The following CFAP299 variants were observed in gnomAD, a reference collection of about 807,000 sequenced individuals.
CFAP299 encodes the protein cilia and flagella associated protein 299, also known as cilia- and flagella-associated protein 299.
Under a neutral mutation model 27.0 loss-of-function variants are expected in CFAP299, and 21 were observed. That is an observed-to-expected ratio of 0.78 (90% CI 0.55 to 1.12). CFAP299 has a LOEUF of 1.12. Ranked by LOEUF, CFAP299 falls within the 50% of genes most tolerant of loss-of-function variation. The probability of loss-of-function intolerance (pLI) is 0.00; values close to 1 mark genes in which losing one functional copy is unlikely to be tolerated. For synonymous variants in CFAP299, 104 were observed against 98.1 expected (o/e 1.06, Z -0.36); for missense variants, 310 against 276.6 (o/e 1.12, Z -0.86).
At chr4:80,649,836 T>A (rs994552122) in intron 3 of CFAP299, among the ~76,000 whole-genome samples, 1 of 152,160 alleles carries the variant, frequency 6.6e-6, no homozygotes, top group Admixed American at 6.6e-5. Flanking sequence ...CAAATTGTTG[T>A]CATGTTTCAG....
At chr4:80,608,399 G>C (rs1309710017) in intron 3 of CFAP299, 2 of 1,503,424 alleles carry the variant, frequency 1.3e-6, no homozygotes, top group South Asian at 2.4e-5. Flanking sequence ...TACTGCTTAT[G>C]GAAAAGTTTC....
At chr4:80,660,096 A>G (rs1287640855) in intron 3 of CFAP299, among the ~76,000 whole-genome samples, 3 of 152,104 alleles carry the variant, frequency 2.0e-5, no homozygotes, top group African/African-American at 2.4e-5. Context: ...AAAATTTCTT[A>G]CTCAGAAAAA....
At chr4:80,506,778 T>C (rs1373782866) in intron 2 of CFAP299, among the ~76,000 whole-genome samples, 1 of 152,118 alleles carries the variant, frequency 6.6e-6, no homozygotes, top group African/African-American at 2.4e-5. Context: ...AAAAGCAAAT[T>C]GATGGCAATG....
chr4:80,923,799 T>A (rs1247168371), intron 4 of CFAP299, among the ~76,000 whole-genome samples: 1 of 152,022 alleles, frequency 6.6e-6, no homozygotes, highest in African/African-American at 2.4e-5. Flanking sequence ...ACCATCCATT[T>A]TAAAAATTAT....
chr4:80,471,822 C>T (rs1268894482), intron 2 of CFAP299, among the ~76,000 whole-genome samples: 2 of 152,266 alleles, frequency 1.3e-5, no homozygotes, highest in East Asian at 1.9e-4. Context: ...TCTGTAACTG[C>T]GAGATGGGAG....
At chr4:80,335,604 A>T, upstream of CFAP299, 1 of 633,134 alleles carries the variant, frequency 1.6e-6, no homozygotes, top group South Asian at 1.6e-5. Context: ...AAGTTTTCAC[A>T]GGAGTGAGGC....
rs1390520094 is a variant in CFAP299 at position 80,357,349 on chromosome 4, T to C, written c.112-5405T>C. 3.3e-5 allele frequency among the ~76,000 whole-genome samples: 5 copies of C among 152,190 alleles called. No homozygotes were observed. In the East Asian group the frequency reaches 9.7e-4, roughly 29 times the overall value. On this transcript the variant is annotated intron_variant, in intron 1 of 5. Coordinates refer to ENST00000358105, the MANE Select transcript of CFAP299 (RefSeq NM_152770.3). Reference sequence around the variant, plus strand: ...TTTGGTATCAGAATGATGCTGGCCTTGTGGGATGAGTTAGGGAGAACTCTC... The same window carrying C: ...TTTGGTATCAGAATGATGCTGGCCTCGTGGGATGAGTTAGGGAGAACTCTC...
chr4:80,783,729 T>C lies in CFAP299; in HGVS notation c.334-86264T>C, dbSNP rs1727071316. ...TAAAATAGAACCCATTTTTTGTTTTTAGGAATCTTTCAAAATTTGTTTTAG... is the reference window on the plus strand; with the variant it reads ...TAAAATAGAACCCATTTTTTGTTTTCAGGAATCTTTCAAAATTTGTTTTAG... On this transcript the variant is annotated intron_variant, in intron 3 of 5. Transcript: ENST00000358105. 2.0e-5 allele frequency among the ~76,000 whole-genome samples: 3 copies of C among 152,228 alleles called. No homozygotes were observed. The South Asian group carries it at 6.2e-4, about 32-fold the overall frequency.
intron 2 of CFAP299, among the ~76,000 whole-genome samples, chr4:80,529,259 C>G (rs1287496438): frequency 6.6e-6 from 1 of 152,094 alleles, no homozygotes; most frequent in Non-Finnish European, 1.5e-5. Flanking sequence ...CTCATAGGCT[C>G]TCTTCCAATC....
At chr4:80,781,952 T>A (rs1367261292) in intron 3 of CFAP299, among the ~76,000 whole-genome samples, 1 of 151,906 alleles carries the variant, frequency 6.6e-6, no homozygotes, top group Non-Finnish European at 1.5e-5. Context: ...ACTCAAGCCT[T>A]GTGCTTTATT....
intron 3 of CFAP299, among the ~76,000 whole-genome samples, chr4:80,828,131 C>A (rs1046837865): frequency 6.6e-6 from 1 of 151,886 alleles, no homozygotes; most frequent in Non-Finnish European, 1.5e-5. Flanking sequence ...AGACAATGTA[C>A]AGATTCAATG....
chr4:80,781,368 A>G (rs1726866723), intron 3 of CFAP299, among the ~76,000 whole-genome samples: 1 of 152,066 alleles, frequency 6.6e-6, no homozygotes, highest in Admixed American at 6.6e-5. Flanking sequence ...CAAATAAGAG[A>G]GGTGTATGTG....
At chr4:80,425,297 G>A (rs368117352) in intron 2 of CFAP299, among the ~76,000 whole-genome samples, 7 of 152,042 alleles carry the variant, frequency 4.6e-5, no homozygotes, top group Admixed American at 1.3e-4. Context: ...TATCCAGTCC[G>A]ATGCCTTACA....
chr4:80,456,027 A>T (rs1327930305), intron 2 of CFAP299, among the ~76,000 whole-genome samples: 2 of 152,172 alleles, frequency 1.3e-5, no homozygotes, highest in African/African-American at 4.8e-5. Flanking sequence ...AGATAAGGTG[A>T]TGCTAGGGTG....
At chr4:80,574,076 C>G (rs977182353) in intron 2 of CFAP299, among the ~76,000 whole-genome samples, 2 of 151,992 alleles carry the variant, frequency 1.3e-5, no homozygotes, top group African/African-American at 4.8e-5. Flanking sequence ...AATATTGTTT[C>G]TTCCAATCCA....
chr4:80,692,763 A>C (rs372044424), intron 3 of CFAP299, among the ~76,000 whole-genome samples: 1 of 152,088 alleles, frequency 6.6e-6, no homozygotes, highest in Non-Finnish European at 1.5e-5. Flanking sequence ...ACAGGCAACC[A>C]ACAAAATGGG....
chr4:80,672,171 A>T (rs1741525089), intron 3 of CFAP299, among the ~76,000 whole-genome samples: 1 of 152,192 alleles, frequency 6.6e-6, no homozygotes, highest in African/African-American at 2.4e-5. Context: ...ATTCTCAGAT[A>T]TGTTCCATCA....
chr4:80,443,115 G>A (rs1387212506), intron 2 of CFAP299, among the ~76,000 whole-genome samples: 1 of 152,156 alleles, frequency 6.6e-6, no homozygotes, highest in African/African-American at 2.4e-5. Context: ...GTACAAAGAG[G>A]AGCTGGTACC....
At chr4:80,556,169 C>G (rs1183273160) in intron 2 of CFAP299, among the ~76,000 whole-genome samples, 1 of 151,934 alleles carries the variant, frequency 6.6e-6, no homozygotes, top group Non-Finnish European at 1.5e-5. Context: ...TAAATTGGAG[C>G]CCTGGAAGTT....
Sources: allele counts gnomAD v4.1 joint callset (sites outside exome capture counted in the v4.1 genomes callset), GRCh38; gene constraint gnomAD v4.1.1; transcripts MANE v1.5; gene names NCBI Gene and HGNC (gene_info 2026-07-23, HGNC 2026-07-21).